Variants in HSPG2 observed in about 807,000 individuals in gnomAD.
HSPG2 encodes the protein heparan sulfate proteoglycan 2, also known as basement membrane-specific heparan sulfate proteoglycan core protein.
In HSPG2, 278 loss-of-function variants were observed where a neutral mutation model predicts 526.6. The ratio of observed to expected loss-of-function variants is 0.53; its 90% CI spans 0.48 to 0.58. The LOEUF (loss-of-function observed/expected upper bound fraction) is 0.58, where lower values mean the gene tolerates loss of function less well. HSPG2 is among the 20% of genes least tolerant of loss of function. HSPG2 has a pLI of 0.00. For synonymous variants in HSPG2, 2,465 were observed against 2,555.4 expected, an observed-to-expected ratio of 0.96 and a Z score of 1.07; for missense variants, 5,354 against 6,099.5, an observed-to-expected ratio of 0.88 and a Z score of 4.07.
intron 1 of HSPG2, among the ~76,000 whole-genome samples, chr1:21,926,353 G>A (rs575555674): frequency 1.3e-5 from 2 of 152,230 alleles, no homozygotes; most frequent in African/African-American, 4.8e-5. Context: ...GCAGGTCCCA[G>A]GACAGGGAAG....
chr1:21,914,089 G>A (rs141512944), intron 1 of HSPG2, among the ~76,000 whole-genome samples: 2 of 152,268 alleles, frequency 1.3e-5, no homozygotes, highest in East Asian at 3.9e-4. Flanking sequence ...GAAAGAGAAG[G>A]GGGAAAAAAC....
intron 14 of HSPG2, 134 bp from the exon 15 acceptor site, chr1:21,880,969 TA>T: frequency 1.0e-6 from 1 of 957,942 alleles, no homozygotes; most frequent in Non-Finnish European, 1.6e-6. Flanking sequence ...GGCACTGAGC[TA>T]GGCACAGGGA....
At chr1:21,849,417 G>A (rs951534271) in intron 57 of HSPG2, among the ~76,000 whole-genome samples, 1 of 152,178 alleles carries the variant, frequency 6.6e-6, no homozygotes, top group African/African-American at 2.4e-5. Context: ...GTCCAGCAGC[G>A]GGGTGGTAGA....
chr1:21,874,020 G>C lies in HSPG2; in HGVS notation c.3657-9C>G. 8 of 1,594,102 alleles carry C rather than the reference G, an allele frequency of 5.0e-6. No individual in the cohort carries two copies. The highest frequency in any genetic ancestry group is 6.0e-6 in the Non-Finnish European group (7 of 1,169,236). On this transcript the variant is annotated splice_polypyrimidine_tract_variant and intron_variant, in intron 28 of 96. Coordinates refer to ENST00000374695, the MANE Select transcript of HSPG2 (RefSeq NM_005529.7). ...AACAAGTGTGGGCAGCCCTGAGTGTGGGGGCAGATTTCTAGTCAGGAACGC... is the reference window on the plus strand; with the variant it reads ...AACAAGTGTGGGCAGCCCTGAGTGTCGGGGCAGATTTCTAGTCAGGAACGC...
Position 21,835,543 on chromosome 1 carries a change from G to A in HSPG2, c.10450C>T (p.Gln3484Ter). Reference sequence around the variant, plus strand: ...AGGCCTGAAGCCACCCTCCTACCTTGGATAACCAGCTGGGCACTGGCCTGG... The same window carrying A: ...AGGCCTGAAGCCACCCTCCTACCTTAGATAACCAGCTGGGCACTGGCCTGG... ...KAQASAQLVI[Q>*]ALPSVLINIR... The change falls in exon 76 of 97, where the codon CAA becomes TAA. Residue 3484 changes from glutamine to a stop codon, truncating the protein, a stop_gained. Coordinates refer to ENST00000374695, the MANE Select transcript of HSPG2 (RefSeq NM_005529.7). LOFTEE classifies it high-confidence loss of function. 1.9e-6 allele frequency: 3 copies of A among 1,610,874 alleles called. No individual in the cohort carries two copies. The highest frequency in any genetic ancestry group is 2.5e-6 in the Non-Finnish European group (3 of 1,177,092).
chr1:21,906,692 A>C (rs1376654954), intron 1 of HSPG2, among the ~76,000 whole-genome samples: 2 of 134,548 alleles, frequency 1.5e-5, no homozygotes, highest in African/African-American at 5.6e-5. Context: ...TGCCTCCCTA[A>C]GTCCTAAATG....
rs144476759 is a variant in HSPG2, at chr1:21,898,631, G to T, written c.64-2321C>A. On this transcript the variant is annotated intron_variant, in intron 1 of 96. Coordinates refer to ENST00000374695, the MANE Select transcript of HSPG2 (RefSeq NM_005529.7). The surrounding 1 kb of genome is among the most constrained non-coding windows in gnomAD (Gnocchi z 4.0). ...ACCAGGCGCTCTGCCTCCTTCCCTGGGTGGGGTAAAGGGCAGTGTTCCCAC... is the reference window on the plus strand; with the variant it reads ...ACCAGGCGCTCTGCCTCCTTCCCTGTGTGGGGTAAAGGGCAGTGTTCCCAC... 5.8e-3 allele frequency among the ~76,000 whole-genome samples: 885 copies of T among 152,348 alleles called. 3 individuals carry two copies. The highest frequency in any genetic ancestry group is 8.4e-3 in the Non-Finnish European group (571 of 68,034).
chr1:21,881,816 G>A (rs971329280), intron 13 of HSPG2, among the ~76,000 whole-genome samples: 5 of 151,686 alleles, frequency 3.3e-5, no homozygotes, highest in African/African-American at 4.8e-5. Flanking sequence ...GGTGGTGCAC[G>A]CCTGTAGTCC....
In HSPG2 at chr1:21,854,268, C is replaced by A; in HGVS notation, c.6364G>T (p.Gly2122Ter). 6.3e-7 allele frequency: 1 copy of A among 1,583,532 alleles called. No homozygotes were observed. Among genetic ancestry groups the A allele is most frequent in the Non-Finnish European group, 8.6e-7 (1 of 1,164,440 alleles). ...SGEYVCRVENGSGPKEASITV... is the reference protein window; with the variant it reads ...SGEYVCRVEN Reference sequence around the variant, plus strand: ...ATGGAGGCCTCCTTGGGGCCCGATCCATTCTCCACACGGCACACATATTCT... The same window carrying A: ...ATGGAGGCCTCCTTGGGGCCCGATCAATTCTCCACACGGCACACATATTCT... The change falls in exon 50 of 97, where the codon GGA (glycine) becomes TGA (stop). Residue 2122 changes from glycine to a stop codon, truncating the protein, a stop_gained. Coordinates refer to ENST00000374695, the MANE Select transcript of HSPG2 (RefSeq NM_005529.7). LOFTEE classifies it high-confidence loss of function.
chr1:21,901,060 C>G (rs1331599759), intron 1 of HSPG2, among the ~76,000 whole-genome samples: 2 of 152,046 alleles, frequency 1.3e-5, no homozygotes, highest in African/African-American at 4.8e-5. Context: ...ATGTCACATG[C>G]CGGCTGGGCA....
chr1:21,839,191 C>T lies in HSPG2; in HGVS notation c.9890-106G>A. The T allele has an allele frequency of 6.7e-7, 1 of 1,489,230 alleles. No individual in the cohort carries two copies. The highest frequency in any genetic ancestry group is 1.3e-5 in the South Asian group (1 of 78,914). 92.3% of individuals were successfully genotyped at this position (1,489,230 alleles called of 1,614,324 possible). A position where few individuals can be genotyped will look rare whatever the true frequency, so the allele number is the denominator to read the frequency against. The stretch of plus-strand genomic sequence containing the variant: ...GAAGCTGAATGGTGAGCCCAGAGGA[C>T]TGGGGATAAGGAAAGCAAAGGTCCC... On this transcript the variant is annotated intron_variant, in intron 73 of 96. Coordinates refer to ENST00000374695, the MANE Select transcript of HSPG2 (RefSeq NM_005529.7). The surrounding 1 kb of genome is among the most constrained non-coding windows in gnomAD (Gnocchi z 4.5).
rs928581024 is a variant in HSPG2 at position 21,893,682 on chromosome 1, G to C, written c.244+2240C>G. Among the ~76,000 whole-genome samples, 1 of 152,104 alleles carries C rather than the reference G, an allele frequency of 6.6e-6. No individual in the cohort carries two copies. Among genetic ancestry groups the C allele is most frequent in the Non-Finnish European group, 1.5e-5 (1 of 67,994 alleles). ...CCTGAGCCTGCAGAGTAGAGACAGA[G>C]AAGGAGGCAAGAAGGGACATTGACA... is the stretch of plus-strand genomic sequence containing the variant. On this transcript the variant is annotated intron_variant, in intron 3 of 96. Transcript: ENST00000374695. This position sits in a 1 kb window ranked among gnomAD's most constrained non-coding sequence, Gnocchi z 4.3.
intron 55 of HSPG2, among the ~76,000 whole-genome samples, chr1:21,850,974 CTT>C (rs11431222): frequency 0.15 from 21,071 of 140,562 alleles, 1,492 homozygotes; most frequent in South Asian, 0.28. Context: ...CTGTGAGGTA[CTT>C]TTTTTTTTTT....
Position 21,829,025 on chromosome 1 carries a change from A to T in HSPG2, c.12047T>A (p.Val4016Glu), listed in dbSNP as rs377026234. The change falls in exon 88 of 97, where the codon GTG becomes GAG. Residue 4016 changes from valine (V) to glutamate (E), a missense_variant. Coordinates refer to ENST00000374695, the MANE Select transcript of HSPG2 (RefSeq NM_005529.7). The stretch of plus-strand genomic sequence containing the variant: ...GTCCTTGTTGAGACGCTCTGCAGAC[A>T]CACGGTGCCAGCGGCCCAGGGCCAG... ...EPLALGRWHR[V>E]SAERLNKDGS... is the part of the protein sequence containing the mutation. 1 of 1,553,728 alleles carries T rather than the reference A, an allele frequency of 6.4e-7. No homozygotes were observed. Among genetic ancestry groups the T allele is most frequent in the Non-Finnish European group, 8.7e-7 (1 of 1,149,684 alleles).
intron 33 of HSPG2, chr1:21,868,842 G>T (rs1191813539): frequency 1.5e-5 from 10 of 656,812 alleles, no homozygotes; most frequent in African/African-American, 1.2e-4. Flanking sequence ...CTGATATTTT[G>T]GGATTCTATG....
At position 21,872,988 on chromosome 1, in the gene HSPG2, C is replaced by T. The variant is rs759358865; in HGVS notation, c.3888+9G>A. On this transcript the variant is annotated intron_variant, in intron 31 of 96. Coordinates refer to ENST00000374695, the MANE Select transcript of HSPG2 (RefSeq NM_005529.7). The surrounding 1 kb of genome is among the most constrained non-coding windows in gnomAD (Gnocchi z 5.5). ...AGCAGGCCCCGCAGGGACAGGGATT[C>T]GGACTGACCTTGCACTGGCACTGAC... 59 of 1,610,232 alleles carry T rather than the reference C, an allele frequency of 3.7e-5. No individual in the cohort carries two copies. Among genetic ancestry groups the T allele is most frequent in the Middle Eastern group, 1.6e-4 (1 of 6,062 alleles).
chr1:21,930,910 T>C (rs927122833), intron 1 of HSPG2, among the ~76,000 whole-genome samples: 7 of 152,232 alleles, frequency 4.6e-5, no homozygotes, highest in Non-Finnish European at 2.9e-5. Context: ...CTGCAAGGCT[T>C]TGCGCACCAG....
intron 1 of HSPG2, among the ~76,000 whole-genome samples, chr1:21,930,992 T>C (rs965914918): frequency 6.6e-6 from 1 of 152,134 alleles, no homozygotes; most frequent in Admixed American, 6.5e-5. Flanking sequence ...GGTCAGGAGC[T>C]AGGAGCTGGT....
At chr1:21,931,559 C>A (rs912405137) in intron 1 of HSPG2, among the ~76,000 whole-genome samples, 1 of 152,176 alleles carries the variant, frequency 6.6e-6, no homozygotes, top group Non-Finnish European at 1.5e-5. Context: ...AAGTCATATT[C>A]ACTTCCTCCT....
Sources: gnomAD v4.1 joint callset for allele counts (sites outside exome capture counted in the v4.1 genomes callset) on GRCh38, gnomAD v4.1.1 for gene constraint, Gnocchi (gnomAD v3.1) non-coding constraint, MANE v1.5 for transcripts, NCBI Gene and HGNC (gene_info 2026-07-23, HGNC 2026-07-21) for gene names.